The following GCSAML variants were observed in gnomAD, a reference collection of about 807,000 sequenced individuals.
The protein encoded by GCSAML is germinal center associated signaling and motility like, also known as germinal center-associated signaling and motility-like protein.
A neutral mutation model predicts 13.0 loss-of-function variants in GCSAML; 9 were observed. The ratio of observed to expected loss-of-function variants is 0.69; its 90% CI spans 0.42 to 1.21. The LOEUF (loss-of-function observed/expected upper bound fraction) is 1.21. GCSAML is among the 50% of genes most tolerant of loss of function. The probability of loss-of-function intolerance (pLI) is 0.00; values close to 1 mark genes in which losing one functional copy is unlikely to be tolerated. For missense variants in GCSAML, 143 were observed against 153.4 expected, an observed-to-expected ratio of 0.93 and a Z score of 0.36; for synonymous variants, 37 against 52.9, an observed-to-expected ratio of 0.70 and a Z score of 1.31.
intron 4 of GCSAML, among the ~76,000 whole-genome samples, chr1:247,569,232 C>T (rs181567758): frequency 6.6e-6 from 1 of 152,244 alleles, no homozygotes; most frequent in African/African-American, 2.4e-5. Flanking sequence ...GTCAGAACTC[C>T]CAATACTATG....
chr1:247,507,405 T>A (rs1665867832), intron 1 of GCSAML, among the ~76,000 whole-genome samples: 1 of 152,188 alleles, frequency 6.6e-6, no homozygotes, highest in South Asian at 2.1e-4. Flanking sequence ...AGGACATAAA[T>A]TTAGAGATTT....
At position 247,565,774 on chromosome 1, in the gene GCSAML, GATGGGGCA is replaced by G. The variant is rs1359960946; in HGVS notation, c.140-153_140-146del. ...TCAGTCTTGAGAACTTCAGTTATAAGATGGGGCAATGTCATGTCAGATGTTTAGATAAT... is the reference window on the plus strand; with the variant it reads ...TCAGTCTTGAGAACTTCAGTTATAAGATGTCATGTCAGATGTTTAGATAAT... On this transcript the variant is annotated intron_variant, in intron 3 of 4. Transcript: ENST00000366488. The G allele has an allele frequency of 4.1e-5, 25 of 603,812 alleles. No homozygotes were observed. In the African/African-American group the frequency reaches 4.3e-4, roughly 10 times the overall value. The allele number at this position is 603,812 out of a possible 1,614,324, so 37.4% of individuals were successfully genotyped here. A position where few individuals can be genotyped will look rare whatever the true frequency, so the allele number is the denominator to read the frequency against.
intron 4 of GCSAML, 117 bp from the exon 5 acceptor site, chr1:247,574,026 G>T (rs1668735253): frequency 8.6e-7 from 1 of 1,156,484 alleles, no homozygotes; most frequent in Non-Finnish European, 1.2e-6. Context: ...TTGGGTTTTG[G>T]ATACCTTAAG....
At chr1:247,518,782 A>G (rs1666312788) in intron 1 of GCSAML, among the ~76,000 whole-genome samples, 1 of 152,216 alleles carries the variant, frequency 6.6e-6, no homozygotes, top group Non-Finnish European at 1.5e-5. Flanking sequence ...TGAGCTCAAC[A>G]GTTCCAGACC....
intron 4 of GCSAML, among the ~76,000 whole-genome samples, chr1:247,569,354 G>A (rs969492343): frequency 3.3e-5 from 5 of 152,112 alleles, no homozygotes; most frequent in Non-Finnish European, 5.9e-5. Flanking sequence ...GCCATAAATA[G>A]CTCTTATTAT....
chr1:247,512,098 T>C (rs1178017496), intron 1 of GCSAML, among the ~76,000 whole-genome samples: 1 of 152,172 alleles, frequency 6.6e-6, no homozygotes, highest in Non-Finnish European at 1.5e-5. Flanking sequence ...TTCTGAAGAG[T>C]GTTTTTCAAC....
chr1:247,563,043 T>C (rs1572364974), intron 2 of GCSAML, among the ~76,000 whole-genome samples: 1 of 138,542 alleles, frequency 7.2e-6, no homozygotes, highest in Non-Finnish European at 1.5e-5. Context: ...AGAGACGGGG[T>C]CTCACCGTGT....
intron 1 of GCSAML, among the ~76,000 whole-genome samples, chr1:247,555,370 A>G (rs971887730): frequency 2.6e-5 from 4 of 152,238 alleles, no homozygotes; most frequent in Non-Finnish European, 4.4e-5. Context: ...ACTATTAAAT[A>G]AACATTACAT....
chr1:247,527,081 C>T lies in GCSAML; in HGVS notation c.-148+27C>T. 2.2e-6 allele frequency: 1 copy of T among 456,562 alleles called. No homozygotes were observed. Among genetic ancestry groups the T allele is most frequent in the Middle Eastern group, 3.3e-4 (1 of 3,076 alleles). 28.3% of individuals were successfully genotyped at this position (456,562 alleles called of 1,614,324 possible). ...TACAAATCACATTTCAAGTGTATTT[C>T]CTTGGGTTCTGGAGAGGATGTCTTC... On this transcript the variant is annotated intron_variant, in intron 2 of 5. Transcript: ENST00000366489. The surrounding 1 kb of genome is among the most constrained non-coding windows in gnomAD (Gnocchi z 4.6).
intron 2 of GCSAML, chr1:247,531,875 C>T (rs767333048): frequency 1.2e-6 from 2 of 1,614,176 alleles, no homozygotes; most frequent in Admixed American, 3.3e-5. Flanking sequence ...AGGATGAGCC[C>T]CAGAGGCAGG....
At chr1:247,522,132 C>G (rs1666458058) in intron 1 of GCSAML, among the ~76,000 whole-genome samples, 1 of 149,422 alleles carries the variant, frequency 6.7e-6, no homozygotes, top group African/African-American at 2.5e-5. Flanking sequence ...AGTGAGGAGC[C>G]CCTCCGCCTG....
intron 1 of GCSAML, among the ~76,000 whole-genome samples, chr1:247,510,748 T>C (rs1346701777): frequency 6.6e-6 from 1 of 152,218 alleles, no homozygotes; most frequent in East Asian, 1.9e-4. Flanking sequence ...CCTAATTTCA[T>C]TATTTACCCA....
intron 2 of GCSAML, among the ~76,000 whole-genome samples, chr1:247,557,422 T>C (rs752735374): frequency 6.6e-6 from 1 of 152,216 alleles, no homozygotes; most frequent in Non-Finnish European, 1.5e-5. Flanking sequence ...TCAGCTTAGA[T>C]GAACAGAAAC....
At chr1:247,553,065 A>G (rs1233844187) in intron 1 of GCSAML, among the ~76,000 whole-genome samples, 1 of 152,152 alleles carries the variant, frequency 6.6e-6, no homozygotes, top group East Asian at 1.9e-4. Flanking sequence ...ATGCAGATAT[A>G]CTATTAATAC....
chr1:247,569,914 C>G (rs1182263192), intron 4 of GCSAML, among the ~76,000 whole-genome samples: 1 of 152,196 alleles, frequency 6.6e-6, no homozygotes, highest in Non-Finnish European at 1.5e-5. Context: ...AGGGATTCAA[C>G]TTCTTCCTGG....
chr1:247,507,455 C>A (rs566232030), intron 1 of GCSAML, among the ~76,000 whole-genome samples: 1 of 152,230 alleles, frequency 6.6e-6, no homozygotes, highest in East Asian at 1.9e-4. Context: ...TTTCTTTGAG[C>A]TGGAATTATA....
At chr1:247,517,591 A>T (rs919720216) in intron 1 of GCSAML, among the ~76,000 whole-genome samples, 13 of 152,196 alleles carry the variant, frequency 8.5e-5, no homozygotes, top group African/African-American at 3.1e-4. Flanking sequence ...AAGCTTGTTT[A>T]AAAAATTTTT....
chr1:247,560,789 T>A (rs1253050246), intron 2 of GCSAML, among the ~76,000 whole-genome samples: 1 of 152,196 alleles, frequency 6.6e-6, no homozygotes, highest in Non-Finnish European at 1.5e-5. Context: ...ATCCACTCTT[T>A]TAGCGAATTT....
intron 3 of GCSAML, among the ~76,000 whole-genome samples, chr1:247,564,382 TAAA>T (rs10701220): frequency 3.1e-5 from 4 of 130,844 alleles, no homozygotes; most frequent in African/African-American, 2.8e-5. Flanking sequence ...GAGCCTGTCT[TAAA>T]AAAAAAAAAA....
Sources: allele counts gnomAD v4.1 joint callset (sites outside exome capture counted in the v4.1 genomes callset), GRCh38; gene constraint gnomAD v4.1.1; non-coding constraint Gnocchi (gnomAD v3.1); transcripts MANE v1.5; gene names NCBI Gene and HGNC (gene_info 2026-07-23, HGNC 2026-07-21).